The following MTSS1 variants were observed in gnomAD, a reference collection of about 807,000 sequenced individuals.
The protein encoded by MTSS1 is MTSS I-BAR domain containing 1, also known as protein MTSS 1.
MTSS1 carries 18 observed loss-of-function variants against 79.0 expected under a neutral mutation model. The ratio of observed to expected loss-of-function variants is 0.23; its 90% CI spans 0.16 to 0.34. MTSS1 has a LOEUF of 0.34. MTSS1 is among the 10% of genes least tolerant of loss of function. The pLI, the probability that MTSS1 is intolerant of heterozygous loss-of-function variation, is 1.00. For synonymous variants in MTSS1, 341 were observed against 368.6 expected (o/e 0.93, Z 0.86); for missense variants, 815 against 986.2 (o/e 0.83, Z 2.33).
chr8:124,662,817 T>G (rs1464568340), intron 3 of MTSS1, among the ~76,000 whole-genome samples: 1 of 152,130 alleles, frequency 6.6e-6, no homozygotes, highest in African/African-American at 2.4e-5. Flanking sequence ...CCAAAATTCT[T>G]GGGAGGAAAC....
chr8:124,602,006 GTTCA>G (rs1833909288), intron 3 of MTSS1, among the ~76,000 whole-genome samples: 1 of 151,862 alleles, frequency 6.6e-6, no homozygotes, highest in Admixed American at 6.6e-5. Context: ...GCCTGGAAAA[GTTCA>G]ATCATGATGC....
chr8:124,699,615 A>G lies in MTSS1; in HGVS notation c.135-16T>C. ...TACTGTTGTCCTAAAATGCAAACAG[A>G]TAACAAAAGCATAAGGAATGTCTCT... On this transcript the variant is annotated splice_polypyrimidine_tract_variant and intron_variant, in intron 2 of 13. Transcript: ENST00000518547. 6.2e-7 allele frequency: 1 copy of G among 1,612,980 alleles called. No homozygotes were observed. The highest frequency in any genetic ancestry group is 8.5e-7 in the Non-Finnish European group (1 of 1,179,038).
At position 124,581,462 on chromosome 8, in the gene MTSS1, A is replaced by AT. The variant is rs1251577592; in HGVS notation, c.460+3624dup. Among the ~76,000 whole-genome samples, 163 of 86,468 alleles carry AT rather than the reference A, an allele frequency of 1.9e-3. 1 individual carries two copies. Among genetic ancestry groups the AT allele is most frequent in the Middle Eastern group, 5.5e-3 (1 of 182 alleles). 56.7% of individuals were successfully genotyped at this position (86,468 alleles called of 152,430 possible). A position where few individuals can be genotyped will look rare whatever the true frequency, so the allele number is the denominator to read the frequency against. ...CAGAAGGCTTTACCAGAATTTTTTT[A>AT]TTTTTTTTTTTGAGACAGAGTCTCC... On this transcript the variant is annotated intron_variant, in intron 6 of 13. Transcript: ENST00000518547.
intron 1 of MTSS1, among the ~76,000 whole-genome samples, chr8:124,720,165 A>G (rs538948220): frequency 3.9e-5 from 6 of 152,364 alleles, no homozygotes; most frequent in Non-Finnish European, 7.3e-5. Context: ...CAGCAATGGC[A>G]GAGACAGGAC....
chr8:124,711,102 C>CCATCATCATGAAG (rs1333873145), intron 1 of MTSS1, among the ~76,000 whole-genome samples: 1 of 152,212 alleles, frequency 6.6e-6, no homozygotes, highest in Non-Finnish European at 1.5e-5. Context: ...ACTGTCATCA[C>CCATCATCATGAAG]CATCATCATG....
intron 2 of MTSS1, 26 bp from the exon 3 acceptor site, chr8:124,699,625 C>G (rs1829410631): frequency 1.2e-6 from 2 of 1,607,958 alleles, no homozygotes; most frequent in South Asian, 2.2e-5. Flanking sequence ...ATAACAAAAG[C>G]ATAAGGAATG....
At chr8:124,590,881 C>T (rs1239689494) in intron 4 of MTSS1, among the ~76,000 whole-genome samples, 1 of 152,202 alleles carries the variant, frequency 6.6e-6, no homozygotes. Flanking sequence ...GCAGGCTGCA[C>T]CGGCTCCTTG....
intron 3 of MTSS1, among the ~76,000 whole-genome samples, chr8:124,605,228 G>A (rs1834591787): frequency 6.6e-6 from 1 of 152,220 alleles, no homozygotes; most frequent in East Asian, 1.9e-4. Flanking sequence ...AGATGCTCCT[G>A]CTGAAGCCAG....
intron 6 of MTSS1, 107 bp from the exon 7 acceptor site, chr8:124,568,643 G>A: frequency 6.5e-7 from 1 of 1,533,712 alleles, no homozygotes; most frequent in Non-Finnish European, 8.9e-7. Context: ...AATTTTCCAG[G>A]ATGTAAAAAA....
rs535272461 is a variant in MTSS1, at chr8:124,670,028, C to T, written c.208+29498G>A. Among the ~76,000 whole-genome samples the T allele has an allele frequency of 2.6e-5, 4 of 152,330 alleles. No homozygotes were observed. In the East Asian group the frequency reaches 7.7e-4, roughly 29 times the overall value. On this transcript the variant is annotated intron_variant, in intron 3 of 13. Transcript: ENST00000518547. ...GATACAGAGAACACAAGACAAAGTG[C>T]TGCCCTCATGGAGCCTACATGCTAG...
intron 1 of MTSS1, among the ~76,000 whole-genome samples, chr8:124,720,481 T>G (rs1248734512): frequency 6.6e-6 from 1 of 151,986 alleles, no homozygotes; most frequent in African/African-American, 2.4e-5. Context: ...AAAGCAACTT[T>G]CCCTCCCCCA....
intron 3 of MTSS1, among the ~76,000 whole-genome samples, chr8:124,646,932 G>A (rs778240297): frequency 3.3e-5 from 5 of 151,768 alleles, no homozygotes; most frequent in African/African-American, 9.7e-5. Flanking sequence ...TCCTCCCATC[G>A]AACTCTGGCC....
chr8:124,647,677 TA>T (rs1418680620), intron 3 of MTSS1, among the ~76,000 whole-genome samples: 1 of 152,236 alleles, frequency 6.6e-6, no homozygotes, highest in Non-Finnish European at 1.5e-5. Flanking sequence ...TCAAAAGAAT[TA>T]AATCATTTCT....
At chr8:124,638,335 G>C (rs1252978997) in intron 3 of MTSS1, among the ~76,000 whole-genome samples, 1 of 152,172 alleles carries the variant, frequency 6.6e-6, no homozygotes, top group Non-Finnish European at 1.5e-5. Flanking sequence ...AGCTAAGAAG[G>C]TACACATCAG....
chr8:124,565,833 C>A, intron 8 of MTSS1, 74 bp from the exon 9 acceptor site: 1 of 1,268,806 alleles, frequency 7.9e-7, no homozygotes, highest in Non-Finnish European at 1.1e-6. Context: ...TTAACATCCA[C>A]CAAAGCATCA....
At chr8:124,615,644 C>T (rs1271850660) in intron 3 of MTSS1, among the ~76,000 whole-genome samples, 1 of 152,110 alleles carries the variant, frequency 6.6e-6, no homozygotes, top group African/African-American at 2.4e-5. Flanking sequence ...AGATCTGTGG[C>T]ACAACACTAC....
intron 3 of MTSS1, among the ~76,000 whole-genome samples, chr8:124,688,017 G>C (rs1288301778): frequency 6.6e-6 from 1 of 152,178 alleles, no homozygotes; most frequent in South Asian, 2.1e-4. Context: ...CTGGATATTA[G>C]TTTCCATGGT....
At chr8:124,672,219 T>C (rs1182606791) in intron 3 of MTSS1, among the ~76,000 whole-genome samples, 1 of 152,198 alleles carries the variant, frequency 6.6e-6, no homozygotes, top group African/African-American at 2.4e-5. Flanking sequence ...AGGGGCCAGG[T>C]GCAGTGGCTC....
At chr8:124,726,695 A>G (rs941144803) in intron 1 of MTSS1, among the ~76,000 whole-genome samples, 1 of 152,182 alleles carries the variant, frequency 6.6e-6, no homozygotes, top group African/African-American at 2.4e-5. Flanking sequence ...CTTACACTTC[A>G]TCAGACAAAA....
Sources: allele counts gnomAD v4.1 joint callset (sites outside exome capture counted in the v4.1 genomes callset), GRCh38; gene constraint gnomAD v4.1.1; transcripts MANE v1.5; gene names NCBI Gene and HGNC (gene_info 2026-07-23, HGNC 2026-07-21).